HHAT: variants seen among roughly 807,000 people sequenced by gnomAD.
HHAT encodes hedgehog acyltransferase.
HHAT carries 47 observed loss-of-function variants against 70.8 expected under a neutral mutation model. That is an observed-to-expected ratio of 0.66 (90% CI 0.53 to 0.85). HHAT has a LOEUF of 0.85. Ranked by LOEUF, HHAT falls within the 40% of genes least tolerant of loss-of-function variation. The probability of loss-of-function intolerance (pLI) is 0.00; values close to 1 mark genes in which losing one functional copy is unlikely to be tolerated. For missense variants in HHAT, 609 were observed against 604.8 expected (o/e 1.01, Z -0.07); for synonymous variants, 228 against 247.6 (o/e 0.92, Z 0.74).
chr1:210,424,077 A>G (rs1347375977), intron 7 of HHAT, among the ~76,000 whole-genome samples: 1 of 152,148 alleles, frequency 6.6e-6, no homozygotes, highest in Non-Finnish European at 1.5e-5. Context: ...TCTGTGAAGA[A>G]TGTTACTGGT....
chr1:210,403,635 T>A (rs142582838), intron 5 of HHAT, among the ~76,000 whole-genome samples: 1 of 152,386 alleles, frequency 6.6e-6, no homozygotes, highest in African/African-American at 2.4e-5. Flanking sequence ...GAGACCCTGA[T>A]GGATCAAGTT....
chr1:210,661,328 A>G (rs1016088626), intron 11 of HHAT, among the ~76,000 whole-genome samples: 4 of 151,594 alleles, frequency 2.6e-5, no homozygotes, highest in Non-Finnish European at 5.9e-5. Context: ...CATCATCACA[A>G]TGCAAATCAA....
chr1:210,435,591 A>G lies in HHAT; in HGVS notation c.856+17266A>G, dbSNP rs535700033. On this transcript the variant is annotated intron_variant, in intron 7 of 11. Coordinates refer to ENST00000261458, the MANE Select transcript of HHAT (RefSeq NM_018194.6). ...TGTAGTAGTTTACATTCCCACCAAC[A>G]GTGTATGAGGTTTCTCCTTTCTTTA... Among the ~76,000 whole-genome samples the G allele has an allele frequency of 4.6e-5, 7 of 151,898 alleles. No individual in the cohort carries two copies. In the South Asian group the frequency reaches 1.5e-3, roughly 32 times the overall value.
rs368625686 is a variant in HHAT, at chr1:210,608,823, T to C, written c.1246-14703T>C. 3.9e-4 allele frequency among the ~76,000 whole-genome samples: 59 copies of C among 152,276 alleles called. 2 individuals are homozygous for C. In the South Asian group the frequency reaches 0.011, roughly 29 times the overall value. On this transcript the variant is annotated intron_variant, in intron 10 of 11. Transcript: ENST00000261458. ...CCCAGTCTCTCCCTCCAAGATGGCA[T>C]CTTGTTGCTGCATCCTCCAGAGGGG...
Position 210,562,876 on chromosome 1 carries a change from A to G in HHAT, c.1044-25022A>G, listed in dbSNP as rs192925162. ...TGTGTCCATGTGTTCTCATTGTTCAATTCCCACCTATGAGTGAGAACATGC... is the reference window on the plus strand; with the variant it reads ...TGTGTCCATGTGTTCTCATTGTTCAGTTCCCACCTATGAGTGAGAACATGC... On this transcript the variant is annotated intron_variant, in intron 9 of 11. Coordinates refer to ENST00000261458, the MANE Select transcript of HHAT (RefSeq NM_018194.6). Among the ~76,000 whole-genome samples the G allele has an allele frequency of 4.1e-3, 562 of 136,888 alleles. 3 individuals carry two copies. Among genetic ancestry groups the G allele is most frequent in the East Asian group, 0.022 (100 of 4,542 alleles). The allele number at this position is 136,888 out of a possible 152,430, so 89.8% of individuals were successfully genotyped here.
intron 4 of HHAT, among the ~76,000 whole-genome samples, chr1:210,393,130 A>G (rs1214266097): frequency 6.6e-6 from 1 of 152,158 alleles, no homozygotes; most frequent in Non-Finnish European, 1.5e-5. Flanking sequence ...TTGTGCAAGC[A>G]GGATGGCACT....
chr1:210,397,802 G>C (rs981329478), intron 4 of HHAT, among the ~76,000 whole-genome samples: 2 of 152,156 alleles, frequency 1.3e-5, no homozygotes, highest in African/African-American at 4.8e-5. Context: ...TGCCCACCCT[G>C]CTGGGCCATG....
At chr1:210,622,634 G>T (rs974795193) in intron 10 of HHAT, among the ~76,000 whole-genome samples, 2 of 152,180 alleles carry the variant, frequency 1.3e-5, no homozygotes, top group Non-Finnish European at 2.9e-5. Flanking sequence ...CAGGCACGCC[G>T]ATACACTTCA....
At chr1:210,423,291 T>C (rs1358974967) in intron 7 of HHAT, among the ~76,000 whole-genome samples, 1 of 152,206 alleles carries the variant, frequency 6.6e-6, no homozygotes, top group African/African-American at 2.4e-5. Flanking sequence ...TGATATCCCA[T>C]TGTGGCTCTG....
chr1:210,637,114 C>T (rs1672008983), intron 11 of HHAT, among the ~76,000 whole-genome samples: 1 of 152,136 alleles, frequency 6.6e-6, no homozygotes, highest in African/African-American at 2.4e-5. Flanking sequence ...TGTGATGACC[C>T]CCTACTAATG....
intron 11 of HHAT, among the ~76,000 whole-genome samples, chr1:210,632,238 C>A (rs948622304): frequency 5.3e-5 from 8 of 152,154 alleles, no homozygotes; most frequent in Non-Finnish European, 1.0e-4. Context: ...GAAATAGGGT[C>A]TTTATAGAAG....
At chr1:210,645,334 G>A (rs999948856) in intron 11 of HHAT, among the ~76,000 whole-genome samples, 1 of 152,088 alleles carries the variant, frequency 6.6e-6, no homozygotes, top group South Asian at 2.1e-4. Context: ...CTGAAGTTCG[G>A]TGGCACGATC....
intron 11 of HHAT, among the ~76,000 whole-genome samples, chr1:210,664,988 G>A (rs1391266317): frequency 1.3e-5 from 2 of 151,978 alleles, no homozygotes; most frequent in Admixed American, 1.3e-4. Context: ...AGCATCTCCT[G>A]GAGTCGCCTC....
chr1:210,329,133 T>C (rs904952107), intron 1 of HHAT, 29 bp downstream of exon 1: 69 of 1,313,382 alleles, frequency 5.3e-5, no homozygotes, highest in Non-Finnish European at 6.4e-5. Flanking sequence ...TAGGGGGTCC[T>C]GGGGAGGTTA....
intron 4 of HHAT, among the ~76,000 whole-genome samples, chr1:210,389,066 T>C (rs188786565): frequency 4.3e-4 from 66 of 152,340 alleles, no homozygotes; most frequent in Non-Finnish European, 8.5e-4. Context: ...AGTGCATTTT[T>C]GTTGCTTATA....
intron 8 of HHAT, among the ~76,000 whole-genome samples, chr1:210,477,364 T>C (rs2094321093): frequency 6.6e-6 from 1 of 152,198 alleles, no homozygotes; most frequent in South Asian, 2.1e-4. Context: ...TCCCACTGTT[T>C]CCCTAGAGTT....
At chr1:210,513,118 T>A in intron 8 of HHAT, 35 bp from the exon 9 acceptor site, 1 of 1,330,216 alleles carries the variant, frequency 7.5e-7, no homozygotes, top group African/African-American at 1.5e-5. Context: ...TAAATATCTT[T>A]TATTGATATG....
At chr1:210,480,209 C>T (rs2501892) in intron 8 of HHAT, among the ~76,000 whole-genome samples, 52 of 152,108 alleles carry the variant, frequency 3.4e-4, no homozygotes, top group African/African-American at 1.2e-3. Context: ...CTGACACCAA[C>T]GTCCAAAGTG....
At chr1:210,351,142 G>A (rs2086982414) in intron 2 of HHAT, among the ~76,000 whole-genome samples, 1 of 152,168 alleles carries the variant, frequency 6.6e-6, no homozygotes, top group Non-Finnish European at 1.5e-5. Context: ...AAGTCCAAAG[G>A]CCTGAGAACT....
Sources: gnomAD v4.1 joint callset for allele counts (sites outside exome capture counted in the v4.1 genomes callset) on GRCh38, gnomAD v4.1.1 for gene constraint, MANE v1.5 for transcripts, NCBI Gene and HGNC (gene_info 2026-07-23, HGNC 2026-07-21) for gene names.